CLUL1: variants seen among roughly 807,000 people sequenced by gnomAD.
The protein encoded by CLUL1 is clusterin-like protein 1.
A neutral mutation model predicts 49.4 loss-of-function variants in CLUL1; 43 were observed. The ratio of observed to expected loss-of-function variants is 0.87; its 90% CI spans 0.68 to 1.12. The LOEUF (loss-of-function observed/expected upper bound fraction) is 1.12. Among genes scored for constraint, CLUL1 ranks in the 50% most tolerant of loss-of-function variants. CLUL1 has a pLI of 0.00. For synonymous variants in CLUL1, 192 were observed against 184.9 expected, an observed-to-expected ratio of 1.04 and a Z score of -0.31; for missense variants, 486 against 544.4, an observed-to-expected ratio of 0.89 and a Z score of 1.07.
intron 1 of CLUL1, among the ~76,000 whole-genome samples, chr18:603,895 G>A (rs181505281): frequency 6.6e-6 from 1 of 152,240 alleles, no homozygotes; most frequent in East Asian, 1.9e-4. Context: ...ATTGGTAACA[G>A]AGCAAGACAG....
At chr18:644,254 A>ATCAGT (rs1454742492) in intron 8 of CLUL1, among the ~76,000 whole-genome samples, 3 of 152,252 alleles carry the variant, frequency 2.0e-5, no homozygotes, top group African/African-American at 7.2e-5. Context: ...CAAGTTGCGT[A>ATCAGT]TCAGTTCAGT....
intron 9 of CLUL1, 49 bp downstream of exon 9, chr18:645,146 T>G: frequency 7.2e-7 from 1 of 1,390,278 alleles, no homozygotes; most frequent in Non-Finnish European, 9.6e-7. Context: ...GAATAGTTAA[T>G]TCTCAAAAGG....
intron 9 of CLUL1, among the ~76,000 whole-genome samples, chr18:645,810 A>AAAAAATATATAT (rs1451607900): frequency 1.3e-4 from 4 of 29,870 alleles, no homozygotes; most frequent in Non-Finnish European, 1.8e-4. Flanking sequence ...AAAAAAAAAA[A>AAAAAATATATAT]ATATATATAT....
intron 7 of CLUL1, among the ~76,000 whole-genome samples, chr18:640,266 C>T (rs985115495): frequency 9.2e-5 from 14 of 151,702 alleles, no homozygotes; most frequent in East Asian, 4.0e-4. Flanking sequence ...AAAAATTAGC[C>T]GGGCATGGTG....
chr18:607,674 C>G (rs1284737907), intron 2 of CLUL1, among the ~76,000 whole-genome samples: 4 of 152,048 alleles, frequency 2.6e-5, no homozygotes, highest in Non-Finnish European at 5.9e-5. Context: ...GTGATGCTCC[C>G]ACATTGGCGT....
intron 9 of CLUL1, among the ~76,000 whole-genome samples, chr18:649,345 C>A (rs890258692): frequency 3.3e-5 from 5 of 152,144 alleles, no homozygotes; most frequent in African/African-American, 9.7e-5. Flanking sequence ...TCTTCTGGAA[C>A]TTTCTTCTAG....
chr18:628,445 G>A (rs8096284), intron 6 of CLUL1, among the ~76,000 whole-genome samples: 6,430 of 152,116 alleles, frequency 0.042, 453 homozygotes, highest in African/African-American at 0.14. Flanking sequence ...GTTTTAAGGC[G>A]GCAGATATCT....
In CLUL1 at chr18:618,690, G is replaced by T. The variant is rs1259303609; in HGVS notation, c.107-523G>T. Reference sequence around the variant, plus strand: ...GCTATTTTGAACAGGGAATGACAATGAATTTTAAACTTACTAAGGGCTTAT... The same window carrying T: ...GCTATTTTGAACAGGGAATGACAATTAATTTTAAACTTACTAAGGGCTTAT... On this transcript the variant is annotated intron_variant, in intron 3 of 9. Transcript: ENST00000692774. This position sits in a 1 kb window ranked among gnomAD's most constrained non-coding sequence, Gnocchi z 4.2. Among the ~76,000 whole-genome samples, 3 of 152,122 alleles carry T rather than the reference G, an allele frequency of 2.0e-5. No individual in the cohort carries two copies. Among genetic ancestry groups the T allele is most frequent in the East Asian group, 3.9e-4 (2 of 5,190 alleles).
chr18:642,514 A>G (rs2074372211), intron 8 of CLUL1, among the ~76,000 whole-genome samples: 1 of 152,358 alleles, frequency 6.6e-6, no homozygotes. Context: ...AACTTTTTGC[A>G]TAACATGCAA....
rs2074440639 is a variant in CLUL1 at position 645,215 on chromosome 18, C to T, written c.1397+118C>T. The T allele has an allele frequency of 7.1e-6, 5 of 706,860 alleles. No individual in the cohort carries two copies. In the East Asian group the frequency reaches 1.2e-4, roughly 17 times the overall value. 43.8% of individuals were successfully genotyped at this position (706,860 alleles called of 1,614,324 possible). The stretch of plus-strand genomic sequence containing the variant: ...ACATGTTTAACCTCATTAATAAAGA[C>T]ATGAAAACAAACAAGATGGCATTTT... On this transcript the variant is annotated intron_variant, in intron 9 of 9. Transcript: ENST00000692774.
Position 634,296 on chromosome 18 carries a change from AT to A in CLUL1, c.994+869del, listed in dbSNP as rs563900091. Among the ~76,000 whole-genome samples, 132 of 151,732 alleles carry A rather than the reference AT, an allele frequency of 8.7e-4. 2 individuals carry two copies. In the South Asian group the frequency reaches 0.023, roughly 27 times the overall value. ...AGGCATGTGCCACCACGCCCGGCTA[AT>A]TTTTTTTGTATTTTTAGTAGGGACG... On this transcript the variant is annotated intron_variant, in intron 7 of 9. Coordinates refer to ENST00000692774, the MANE Select transcript of CLUL1 (RefSeq NM_001393344.1).
At chr18:640,413 A>G (rs2074309215) in intron 7 of CLUL1, among the ~76,000 whole-genome samples, 1 of 151,962 alleles carries the variant, frequency 6.6e-6, no homozygotes, top group Non-Finnish European at 1.5e-5. Context: ...CTGTCTTGAA[A>G]AAAAAGAAAA....
chr18:634,627 C>G (rs1255319962), intron 7 of CLUL1, among the ~76,000 whole-genome samples: 1 of 152,116 alleles, frequency 6.6e-6, no homozygotes. Flanking sequence ...ATGAAAGAAA[C>G]CTTTCATTCT....
intron 2 of CLUL1, among the ~76,000 whole-genome samples, chr18:609,402 G>C (rs1313685645): frequency 2.0e-5 from 3 of 152,144 alleles, no homozygotes; most frequent in African/African-American, 7.2e-5. Flanking sequence ...CAGCAGAAAG[G>C]AGCTGGGAGG....
At chr18:638,107 A>T (rs1225294061) in intron 7 of CLUL1, among the ~76,000 whole-genome samples, 1 of 152,248 alleles carries the variant, frequency 6.6e-6, no homozygotes, top group Admixed American at 6.5e-5. Flanking sequence ...TCTGCTTCGT[A>T]CACATCTTTA....
chr18:598,113 G>T (rs1422374549), intron 1 of CLUL1: 1 of 153,706 alleles, frequency 6.5e-6, no homozygotes, highest in African/African-American at 2.4e-5. Context: ...CAACATTAAT[G>T]CAACTCCTCA....
At chr18:617,802 A>C (rs962816630) in intron 2 of CLUL1, among the ~76,000 whole-genome samples, 186 bp from the exon 3 acceptor site, 1 of 152,016 alleles carries the variant, frequency 6.6e-6, no homozygotes, top group African/African-American at 2.4e-5. Flanking sequence ...AGGGACTAGA[A>C]TTTGTTTGTT....
chr18:641,537 T>C lies in CLUL1; in HGVS notation c.1205T>C (p.Ile402Thr), dbSNP rs200251376. The change falls in exon 8 of 10, where the codon ATA (isoleucine) becomes ACA (threonine). Residue 402 changes from isoleucine (I) to threonine (T), a missense_variant. Coordinates refer to ENST00000692774, the MANE Select transcript of CLUL1 (RefSeq NM_001393344.1). ...APETEIIFNS[I>T]QVVPRIHEGN... ...GAAACAGAGATCATCTTTAATTCAA[T>C]ACAGGTAAAGGAGAGACCCAAGAGC... 24 of 1,613,790 alleles carry C rather than the reference T, an allele frequency of 1.5e-5. No homozygotes were observed. In the Admixed American group the frequency reaches 2.2e-4, roughly 15 times the overall value.
In CLUL1 at chr18:641,241, T is replaced by C. The variant is rs902202341; in HGVS notation, c.995-86T>C. The C allele has an allele frequency of 9.4e-6, 10 of 1,065,942 alleles. No homozygotes were observed. The African/African-American group carries it at 1.6e-4, about 17-fold the overall frequency. The allele number at this position is 1,065,942 out of a possible 1,614,324, so 66.0% of individuals were successfully genotyped here. ...ACAGGCAAAAGGGGAAAATAGAGAA[T>C]GTAAGGGCTGGGACTTAAGCCCATG... On this transcript the variant is annotated intron_variant, in intron 7 of 9. Transcript: ENST00000692774.
Sources: allele counts gnomAD v4.1 joint callset (sites outside exome capture counted in the v4.1 genomes callset), GRCh38; gene constraint gnomAD v4.1.1; non-coding constraint Gnocchi (gnomAD v3.1); transcripts MANE v1.5; gene names NCBI Gene and HGNC (gene_info 2026-07-23, HGNC 2026-07-21).